Variants in CCDC141 observed in about 807,000 individuals in gnomAD.
CCDC141 encodes the protein coiled-coil domain containing 141.
A neutral mutation model predicts 181.0 loss-of-function variants in CCDC141; 168 were observed. That is an observed-to-expected ratio of 0.93 (90% confidence interval 0.82 to 1.05). The LOEUF (loss-of-function observed/expected upper bound fraction) is 1.05, where lower values mean the gene tolerates loss of function less well. Ranked by LOEUF, CCDC141 falls within the 50% of genes least tolerant of loss-of-function variation. The pLI is 0.00. For missense variants in CCDC141, 1,902 were observed against 1,788.5 expected, an observed-to-expected ratio of 1.06 and a Z score of -1.14; for synonymous variants, 666 against 642.3, an observed-to-expected ratio of 1.04 and a Z score of -0.56.
chr2:178,821,748 G>A, the CCDC141 span, among the ~76,000 whole-genome samples: 1 of 152,146 alleles, frequency 6.6e-6, no homozygotes, highest in Non-Finnish European at 1.5e-5. Context: ...TCATTAAAAA[G>A]TTAGGAAACA....
intron 6 of CCDC141, among the ~76,000 whole-genome samples, chr2:178,933,321 T>C (rs996914675): frequency 6.6e-6 from 1 of 152,176 alleles, no homozygotes; most frequent in Non-Finnish European, 1.5e-5. Flanking sequence ...AAGAGGGACA[T>C]GTACATACAT....
chr2:178,935,412 AT>A (rs1689246390), intron 6 of CCDC141, among the ~76,000 whole-genome samples: 1 of 152,216 alleles, frequency 6.6e-6, no homozygotes, highest in Admixed American at 6.6e-5. Context: ...GCTAAGGATA[AT>A]AGCCTCCAGC....
chr2:178,948,204 T>TAA (rs56840812), intron 5 of CCDC141, among the ~76,000 whole-genome samples: 87 of 144,568 alleles, frequency 6.0e-4, no homozygotes, highest in African/African-American at 1.8e-3. Context: ...CCTATCTCAA[T>TAA]AAAAAAAAAA....
At chr2:179,015,342 A>G (rs1228724761) in intron 2 of CCDC141, among the ~76,000 whole-genome samples, 8 of 141,996 alleles carry the variant, frequency 5.6e-5, no homozygotes, top group Admixed American at 3.7e-4. Flanking sequence ...CATATCTCAT[A>G]TATGTATCAT....
intron 2 of CCDC141, among the ~76,000 whole-genome samples, chr2:179,043,566 G>A (rs934155310): frequency 6.6e-6 from 1 of 152,066 alleles, no homozygotes; most frequent in Non-Finnish European, 1.5e-5. Flanking sequence ...CAGAACTAAA[G>A]ACAAAAACCA....
chr2:178,866,703 T>A (rs1685869045), intron 16 of CCDC141, among the ~76,000 whole-genome samples: 1 of 152,104 alleles, frequency 6.6e-6, no homozygotes, highest in South Asian at 2.1e-4. Context: ...TTTGTTGTTG[T>A]TGTTGTTTCT....
chr2:178,891,955 G>A (rs879882131), intron 8 of CCDC141, among the ~76,000 whole-genome samples: 2 of 152,076 alleles, frequency 1.3e-5, no homozygotes, highest in Non-Finnish European at 2.9e-5. Context: ...ATAAGTAGTA[G>A]AATATCAATG....
At chr2:178,841,729 G>GCAT (rs1333201433) in intron 22 of CCDC141, among the ~76,000 whole-genome samples, 1 of 152,110 alleles carries the variant, frequency 6.6e-6, no homozygotes, top group Non-Finnish European at 1.5e-5. Context: ...ACTACAACCT[G>GCAT]CATCTCCCAA....
chr2:178,978,805 T>C, intron 2 of CCDC141, 130 bp from the exon 3 acceptor site: 1 of 691,028 alleles, frequency 1.4e-6, no homozygotes, highest in South Asian at 2.5e-5. Context: ...CACAAACTGT[T>C]ATGCAAGAAG....
intron 4 of CCDC141, among the ~76,000 whole-genome samples, chr2:178,966,394 C>T (rs569392707): frequency 6.6e-5 from 10 of 152,298 alleles, no homozygotes; most frequent in Admixed American, 1.3e-4. Flanking sequence ...GCAGGTGCCC[C>T]TCTGGGATGA....
intron 8 of CCDC141, among the ~76,000 whole-genome samples, chr2:178,893,136 A>G (rs1319180299): frequency 6.6e-6 from 1 of 152,084 alleles, no homozygotes; most frequent in Non-Finnish European, 1.5e-5. Context: ...TTCTTCAGGC[A>G]TTTGTTAGAA....
At chr2:178,978,041 T>A (rs1002596336) in intron 3 of CCDC141, among the ~76,000 whole-genome samples, 1 of 152,210 alleles carries the variant, frequency 6.6e-6, no homozygotes. Flanking sequence ...AAATATCCTA[T>A]GGAATATTCT....
intron 4 of CCDC141, among the ~76,000 whole-genome samples, chr2:178,966,241 C>A (rs1690625078): frequency 6.6e-6 from 1 of 152,220 alleles, no homozygotes; most frequent in Non-Finnish European, 1.5e-5. Flanking sequence ...GAGTAGCAGA[C>A]CTTCCAGCAC....
At chr2:178,839,412 C>CAA (rs35187942) in intron 22 of CCDC141, among the ~76,000 whole-genome samples, 13 of 129,746 alleles carry the variant, frequency 1.0e-4, no homozygotes, top group South Asian at 5.2e-4. Context: ...GACTCTGTCT[C>CAA]AAAAAAAAAA....
intron 6 of CCDC141, among the ~76,000 whole-genome samples, chr2:178,932,269 C>T (rs1689130428): frequency 6.6e-6 from 1 of 152,180 alleles, no homozygotes; most frequent in South Asian, 2.1e-4. Context: ...ATTGTTACCC[C>T]TTTCACAAAA....
At chr2:178,973,751 C>G (rs1356258684) in intron 4 of CCDC141, among the ~76,000 whole-genome samples, 1 of 152,182 alleles carries the variant, frequency 6.6e-6, no homozygotes, top group Admixed American at 6.5e-5. Context: ...ATAATAGCAT[C>G]CATCATTGTC....
intron 2 of CCDC141, among the ~76,000 whole-genome samples, chr2:179,033,929 G>A (rs1315389863): frequency 1.3e-5 from 2 of 152,032 alleles, no homozygotes; most frequent in African/African-American, 2.4e-5. Flanking sequence ...AGAAGCCTGG[G>A]GCTCAGCATA....
At chr2:178,851,779 G>A (rs947811974) in intron 20 of CCDC141, among the ~76,000 whole-genome samples, 2 of 152,192 alleles carry the variant, frequency 1.3e-5, no homozygotes, top group Admixed American at 6.5e-5. Context: ...ACTAGACTGT[G>A]GTCTCTTGAA....
chr2:178,953,724 G>A (rs1202266907), intron 5 of CCDC141, among the ~76,000 whole-genome samples: 1 of 152,130 alleles, frequency 6.6e-6, no homozygotes, highest in Admixed American at 6.5e-5. Flanking sequence ...AAGAAGCTCA[G>A]GTAAGTCAAG....
Sources: gnomAD v4.1 joint callset for allele counts (sites outside exome capture counted in the v4.1 genomes callset) on GRCh38, gnomAD v4.1.1 for gene constraint, MANE v1.5 for transcripts, NCBI Gene and HGNC (gene_info 2026-07-23, HGNC 2026-07-21) for gene names.